NR6A1: variants seen among roughly 807,000 people sequenced by gnomAD.
NR6A1 encodes the protein retinoic acid receptor-related testis-associated receptor.
NR6A1 carries 7 observed loss-of-function variants against 59.1 expected under a neutral mutation model. The observed-to-expected ratio is 0.12, with a 90% CI of 0.07 to 0.22. The LOEUF is 0.22. NR6A1 is among the 10% of genes least tolerant of loss of function. The probability of loss-of-function intolerance (pLI) is 1.00; values close to 1 mark genes in which losing one functional copy is unlikely to be tolerated. For synonymous variants in NR6A1, 243 were observed against 236.1 expected (o/e 1.03, Z -0.27); for missense variants, 468 against 611.6 (o/e 0.77, Z 2.48).
chr9:124,565,245 G>A (rs963735708), intron 2 of NR6A1, among the ~76,000 whole-genome samples: 4 of 151,976 alleles, frequency 2.6e-5, no homozygotes, highest in East Asian at 3.9e-4. Flanking sequence ...TGGCTAACAC[G>A]GTGAAACCCC....
At chr9:124,642,316 C>G (rs924813372) in intron 2 of NR6A1, among the ~76,000 whole-genome samples, 1 of 152,176 alleles carries the variant, frequency 6.6e-6, no homozygotes, top group African/African-American at 2.4e-5. Context: ...TCCCAAAGTG[C>G]TGGGATTACA....
intron 2 of NR6A1, among the ~76,000 whole-genome samples, chr9:124,639,207 T>C (rs184385078): frequency 6.6e-6 from 1 of 152,326 alleles, no homozygotes; most frequent in African/African-American, 2.4e-5. Flanking sequence ...AACTAGTTAG[T>C]GGTGGAGCTA....
intron 2 of NR6A1, among the ~76,000 whole-genome samples, chr9:124,572,690 T>C (rs1403248499): frequency 6.6e-6 from 1 of 152,164 alleles, no homozygotes; most frequent in Non-Finnish European, 1.5e-5. Context: ...AGTACTTCTA[T>C]AATGAAGCAT....
At chr9:124,618,016 A>G (rs1260969914) in intron 2 of NR6A1, among the ~76,000 whole-genome samples, 1 of 152,234 alleles carries the variant, frequency 6.6e-6, no homozygotes. Context: ...GAGACTAAAC[A>G]GGCGATGCAT....
At chr9:124,702,890 C>G (rs541094709) in intron 2 of NR6A1, among the ~76,000 whole-genome samples, 1 of 151,714 alleles carries the variant, frequency 6.6e-6, no homozygotes, top group Non-Finnish European at 1.5e-5. Flanking sequence ...GCCTATTCTA[C>G]GAATAGGCAA....
At chr9:124,704,079 C>T (rs543085290) in intron 2 of NR6A1, among the ~76,000 whole-genome samples, 1 of 152,282 alleles carries the variant, frequency 6.6e-6, no homozygotes, top group African/African-American at 2.4e-5. Context: ...GTCTCATTTT[C>T]TATTTCCTCT....
intron 2 of NR6A1, among the ~76,000 whole-genome samples, chr9:124,643,209 A>G (rs1020079932): frequency 1.3e-5 from 2 of 152,064 alleles, no homozygotes; most frequent in African/African-American, 4.8e-5. Context: ...CACCTGTAAT[A>G]CCATCACTTT....
chr9:124,587,795 A>G lies in NR6A1; in HGVS notation c.143-33225T>C, dbSNP rs74737306. 6.0e-4 allele frequency among the ~76,000 whole-genome samples: 91 copies of G among 152,334 alleles called. 3 individuals carry two copies. In the East Asian group the frequency reaches 0.015, roughly 25 times the overall value. The stretch of plus-strand genomic sequence containing the variant: ...AATGCGAATGAGCACTCTTTTACAC[A>G]TTACATTCACATGACTTTACTAACG... On this transcript the variant is annotated intron_variant, in intron 2 of 9. Coordinates refer to ENST00000487099, the MANE Select transcript of NR6A1 (RefSeq NM_033334.4).
chr9:124,683,523 G>A (rs1191709311), intron 2 of NR6A1, among the ~76,000 whole-genome samples: 4 of 152,222 alleles, frequency 2.6e-5, no homozygotes, highest in African/African-American at 9.7e-5. Flanking sequence ...GCCGGGTGTG[G>A]TGGCTCATGC....
chr9:124,768,211 CA>C (rs1840993465), intron 1 of NR6A1, among the ~76,000 whole-genome samples: 3 of 152,122 alleles, frequency 2.0e-5, no homozygotes, highest in African/African-American at 7.2e-5. Context: ...TGACAGAGAC[CA>C]AAAGACCCCC....
intron 3 of NR6A1, among the ~76,000 whole-genome samples, chr9:124,554,008 A>G (rs1833859815): frequency 1.3e-5 from 2 of 152,168 alleles, no homozygotes; most frequent in Admixed American, 1.3e-4. Flanking sequence ...ATGCCTTTTC[A>G]TCCAAAAATT....
rs939020949 is a variant in NR6A1 at position 124,522,485 on chromosome 9, C to T, written c.*220G>A. On this transcript the variant is annotated 3_prime_UTR_variant, in exon 10 of 10. Transcript: ENST00000487099. ...GGCTGCATTCACACAAAAGCATGTGCATCATGTTGAAGGCCATACATTCAA... is the reference window on the plus strand; with the variant it reads ...GGCTGCATTCACACAAAAGCATGTGTATCATGTTGAAGGCCATACATTCAA... 1.6e-5 allele frequency: 6 copies of T among 386,830 alleles called. No individual in the cohort carries two copies. The highest frequency in any genetic ancestry group is 2.4e-5 in the Non-Finnish European group (5 of 206,338). 24.0% of individuals were successfully genotyped at this position (386,830 alleles called of 1,614,324 possible).
intron 3 of NR6A1, among the ~76,000 whole-genome samples, chr9:124,548,255 C>T (rs1833660979): frequency 6.6e-6 from 1 of 152,128 alleles, no homozygotes; most frequent in African/African-American, 2.4e-5. Context: ...ACTACTGTTG[C>T]AACTTTTCTG....
intron 1 of NR6A1, among the ~76,000 whole-genome samples, chr9:124,758,300 G>A (rs886345982): frequency 1.6e-4 from 24 of 152,076 alleles, no homozygotes; most frequent in African/African-American, 5.8e-4. Context: ...CTTTCCTGCT[G>A]GGTTCCCTTT....
Position 124,617,659 on chromosome 9 carries a change from G to C in NR6A1, c.143-63089C>G, listed in dbSNP as rs539162122. 5.3e-5 allele frequency among the ~76,000 whole-genome samples: 8 copies of C among 152,200 alleles called. No individual in the cohort carries two copies. The South Asian group carries it at 1.7e-3, about 32-fold the overall frequency. ...CATCCAAACCGCTGTGGGTGTCCTAGAGTCCACCAGCAGAGGGCAGCATCC... is the reference window on the plus strand; with the variant it reads ...CATCCAAACCGCTGTGGGTGTCCTACAGTCCACCAGCAGAGGGCAGCATCC... On this transcript the variant is annotated intron_variant, in intron 2 of 9. Coordinates refer to ENST00000487099, the MANE Select transcript of NR6A1 (RefSeq NM_033334.4).
intron 1 of NR6A1, among the ~76,000 whole-genome samples, chr9:124,736,032 CG>C (rs1351079247): frequency 6.6e-6 from 1 of 152,146 alleles, no homozygotes; most frequent in Non-Finnish European, 1.5e-5. Flanking sequence ...TCACTACACA[CG>C]GATTGAATGT....
At chr9:124,688,738 G>A (rs1419600869) in intron 2 of NR6A1, among the ~76,000 whole-genome samples, 1 of 152,192 alleles carries the variant, frequency 6.6e-6, no homozygotes. Flanking sequence ...CTAATCTGAA[G>A]TTCACAGACA....
chr9:124,613,702 A>G (rs991087200), intron 2 of NR6A1, among the ~76,000 whole-genome samples: 1 of 152,172 alleles, frequency 6.6e-6, no homozygotes, highest in African/African-American at 2.4e-5. Context: ...AAATTAAAAG[A>G]AAAGCTCAAA....
intron 2 of NR6A1, chr9:124,599,582 A>T: frequency 8.9e-7 from 1 of 1,118,468 alleles, no homozygotes. Flanking sequence ...AGCCGCCATG[A>T]GGGCGCGGCG....
Sources: allele counts gnomAD v4.1 joint callset (sites outside exome capture counted in the v4.1 genomes callset), GRCh38; gene constraint gnomAD v4.1.1; transcripts MANE v1.5; gene names NCBI Gene and HGNC (gene_info 2026-07-23, HGNC 2026-07-21).